Variants in PLEKHA7 observed in about 807,000 individuals in gnomAD.
PLEKHA7 encodes the protein pleckstrin homology domain-containing family A member 7.
In PLEKHA7, 104 loss-of-function variants were observed where a neutral mutation model predicts 170.0. The observed-to-expected ratio is 0.61, with a 90% confidence interval of 0.52 to 0.72. The LOEUF is 0.72. Ranked by LOEUF, PLEKHA7 falls within the 30% of genes least tolerant of loss-of-function variation. PLEKHA7 has a pLI of 0.00. For synonymous variants in PLEKHA7, 648 were observed against 660.8 expected (o/e 0.98, Z 0.30); for missense variants, 1,615 against 1,671.7 (o/e 0.97, Z 0.59).
intron 4 of PLEKHA7, among the ~76,000 whole-genome samples, chr11:16,862,651 T>C (rs1388698335): frequency 6.6e-6 from 1 of 152,204 alleles, no homozygotes; most frequent in Non-Finnish European, 1.5e-5. Context: ...AAAGACATGG[T>C]TGCTGTGTGG....
intron 3 of PLEKHA7, among the ~76,000 whole-genome samples, chr11:16,884,681 T>A (rs996422566): frequency 1.3e-5 from 2 of 151,908 alleles, no homozygotes; most frequent in African/African-American, 4.8e-5. Context: ...ATTGAACTTA[T>A]GTTAGAAAAC....
chr11:17,006,064 T>C (rs1437256204), intron 3 of PLEKHA7, among the ~76,000 whole-genome samples: 1 of 152,136 alleles, frequency 6.6e-6, no homozygotes, highest in African/African-American at 2.4e-5. Flanking sequence ...CCCAGCAACA[T>C]CTCAATAAGA....
Position 16,816,783 on chromosome 11 carries a change from A to C in PLEKHA7, c.1866+17T>G. ...TCATGATGACCCAGCAGCCTGGCAG[A>C]GCTTCCCGAGCCTCACCTTGACAGC... is the stretch of plus-strand genomic sequence containing the variant. On this transcript the variant is annotated intron_variant, in intron 11 of 26. Transcript: ENST00000531066. 6.2e-7 allele frequency: 1 copy of C among 1,609,794 alleles called. No individual in the cohort carries two copies. Among genetic ancestry groups the C allele is most frequent in the Non-Finnish European group, 8.5e-7 (1 of 1,178,222 alleles).
At chr11:17,001,142 C>T (rs1864639033) in intron 3 of PLEKHA7, among the ~76,000 whole-genome samples, 1 of 152,120 alleles carries the variant, frequency 6.6e-6, no homozygotes. Context: ...TCCGAAGCTC[C>T]CCAGCCCCAG....
intron 25 of PLEKHA7, among the ~76,000 whole-genome samples, 168 bp downstream of exon 25, chr11:16,783,532 C>A (rs1450410251): frequency 6.6e-6 from 1 of 152,240 alleles, no homozygotes; most frequent in African/African-American, 2.4e-5. Context: ...GGCTCCCTTG[C>A]TGATCTGCTG....
chr11:16,829,545 G>A (rs561373987), intron 9 of PLEKHA7, among the ~76,000 whole-genome samples: 9 of 152,156 alleles, frequency 5.9e-5, no homozygotes, highest in Non-Finnish European at 8.8e-5. Context: ...GCGTGCCAAG[G>A]GAGGTGAATC....
chr11:16,785,545 T>C (rs1166876912), intron 24 of PLEKHA7, among the ~76,000 whole-genome samples: 1 of 152,186 alleles, frequency 6.6e-6, no homozygotes, highest in African/African-American at 2.4e-5. Flanking sequence ...AGCATCGACA[T>C]AGGCCACAGG....
intron 9 of PLEKHA7, among the ~76,000 whole-genome samples, chr11:16,830,070 C>T (rs1850990804): frequency 6.6e-6 from 1 of 152,116 alleles, no homozygotes; most frequent in Non-Finnish European, 1.5e-5. Flanking sequence ...CCTCAACCTC[C>T]TGGGATCAAG....
At chr11:16,824,494 A>C (rs766702202) in intron 10 of PLEKHA7, among the ~76,000 whole-genome samples, 11 of 152,256 alleles carry the variant, frequency 7.2e-5, no homozygotes, top group Non-Finnish European at 1.5e-4. Flanking sequence ...TGCCTGTATC[A>C]AAAGATCTCA....
At chr11:16,909,951 G>A (rs996054421) in intron 3 of PLEKHA7, among the ~76,000 whole-genome samples, 1 of 152,106 alleles carries the variant, frequency 6.6e-6, no homozygotes, top group Admixed American at 6.6e-5. Context: ...ATCTTGCAGA[G>A]ACAATGACCC....
chr11:16,790,210 G>C (rs1847744773), intron 21 of PLEKHA7: 1 of 329,640 alleles, frequency 3.0e-6, no homozygotes, highest in Non-Finnish European at 5.8e-6. Context: ...CCATTCTTAG[G>C]CACCCTGCAC....
intron 14 of PLEKHA7, 75 bp from the exon 15 acceptor site, chr11:16,803,127 C>A: frequency 6.4e-7 from 1 of 1,562,842 alleles, no homozygotes; most frequent in Non-Finnish European, 8.8e-7. Flanking sequence ...AATCAGACAG[C>A]CTTTGGCTAC....
At position 16,817,466 on chromosome 11, in the gene PLEKHA7, G is replaced by T; in HGVS notation, c.1344-144C>A. On this transcript the variant is annotated intron_variant, in intron 10 of 26. Coordinates refer to ENST00000531066, the MANE Select transcript of PLEKHA7 (RefSeq NM_001329630.2). This position sits in a 1 kb window ranked among gnomAD's most constrained non-coding sequence, Gnocchi z 4.4. ...AAAGAATGATCAAGGCCGACATCCA[G>T]GACTTCAGTCACTTCCCCTTTTGGC... The T allele has an allele frequency of 1.3e-6, 1 of 777,500 alleles. No individual in the cohort carries two copies. Among genetic ancestry groups the T allele is most frequent in the Non-Finnish European group, 1.9e-6 (1 of 523,428 alleles). The allele number at this position is 777,500 out of a possible 1,614,324, so 48.2% of individuals were successfully genotyped here. A position where few individuals can be genotyped will look rare whatever the true frequency, so the allele number is the denominator to read the frequency against.
intron 3 of PLEKHA7, among the ~76,000 whole-genome samples, chr11:16,974,346 AC>A (rs1260573036): frequency 2.0e-5 from 3 of 147,848 alleles, no homozygotes; most frequent in African/African-American, 7.5e-5. Flanking sequence ...ATTGGGTGCC[AC>A]CCGTTTTTGC....
At chr11:16,886,300 G>C (rs1856096986) in intron 3 of PLEKHA7, among the ~76,000 whole-genome samples, 1 of 152,188 alleles carries the variant, frequency 6.6e-6, no homozygotes, top group African/African-American at 2.4e-5. Context: ...CTGGAGTTCA[G>C]CTCTCCACAG....
chr11:16,819,038 T>G (rs550116398), intron 10 of PLEKHA7, among the ~76,000 whole-genome samples: 27 of 151,768 alleles, frequency 1.8e-4, no homozygotes, highest in Admixed American at 6.6e-4. Flanking sequence ...CTCCTGACCT[T>G]GTGATCTGAC....
chr11:16,939,434 G>T (rs535310807), intron 3 of PLEKHA7, among the ~76,000 whole-genome samples: 2 of 151,870 alleles, frequency 1.3e-5, no homozygotes, highest in African/African-American at 4.8e-5. Flanking sequence ...AAAATAAAAA[G>T]AAAAAATATA....
chr11:16,886,367 C>T (rs1370877579), intron 3 of PLEKHA7, among the ~76,000 whole-genome samples: 2 of 152,100 alleles, frequency 1.3e-5, no homozygotes, highest in African/African-American at 4.8e-5. Flanking sequence ...AAAGTTGCCA[C>T]CATTTAAAAA....
intron 3 of PLEKHA7, among the ~76,000 whole-genome samples, chr11:17,010,570 C>T (rs1183155206): frequency 6.6e-6 from 1 of 152,156 alleles, no homozygotes; most frequent in Admixed American, 6.5e-5. Context: ...TGCACCACTG[C>T]ACTCCAGACT....
Sources: allele counts gnomAD v4.1 joint callset (sites outside exome capture counted in the v4.1 genomes callset), GRCh38; gene constraint gnomAD v4.1.1; non-coding constraint Gnocchi (gnomAD v3.1); transcripts MANE v1.5; gene names NCBI Gene and HGNC (gene_info 2026-07-23, HGNC 2026-07-21).